KHDRBS2: variants seen among roughly 807,000 people sequenced by gnomAD.
KHDRBS2 encodes KH RNA binding domain containing, signal transduction associated 2, also known as KH domain-containing, RNA-binding, signal transduction-associated protein 2.
In KHDRBS2, 26 loss-of-function variants were observed where a neutral mutation model predicts 44.3. That is an observed-to-expected ratio of 0.59 (90% confidence interval 0.43 to 0.81). The LOEUF (loss-of-function observed/expected upper bound fraction) is 0.81, where lower values mean the gene tolerates loss of function less well. KHDRBS2 is among the 40% of genes least tolerant of loss of function. The probability of loss-of-function intolerance (pLI) is 0.00; values close to 1 mark genes in which losing one functional copy is unlikely to be tolerated. For missense variants in KHDRBS2, 476 were observed against 433.1 expected (o/e 1.10, Z -0.88); for synonymous variants, 194 against 151.1 (o/e 1.28, Z -2.08).
chr6:61,723,743 T>G (rs1242614903), intron 7 of KHDRBS2, among the ~76,000 whole-genome samples: 4 of 152,060 alleles, frequency 2.6e-5, no homozygotes, highest in Non-Finnish European at 5.9e-5. Context: ...GACTATCTTT[T>G]GAAATAAGAT....
At chr6:62,062,959 C>A (rs956350279) in intron 2 of KHDRBS2, among the ~76,000 whole-genome samples, 1 of 150,790 alleles carries the variant, frequency 6.6e-6, no homozygotes, top group African/African-American at 2.4e-5. Flanking sequence ...CACCACCGAT[C>A]CCACAGAAAT....
At chr6:61,703,437 TCTAA>T (rs1214552518) in intron 7 of KHDRBS2, among the ~76,000 whole-genome samples, 5 of 151,838 alleles carry the variant, frequency 3.3e-5, no homozygotes, top group African/African-American at 7.2e-5. Context: ...GGGATATATA[TCTAA>T]CTATTTTTAG....
intron 4 of KHDRBS2, among the ~76,000 whole-genome samples, chr6:61,950,619 T>C (rs1431315367): frequency 6.6e-6 from 1 of 152,044 alleles, no homozygotes; most frequent in Admixed American, 6.6e-5. Flanking sequence ...AGTTTTGAAG[T>C]TATTGTCTTC....
intron 4 of KHDRBS2, among the ~76,000 whole-genome samples, chr6:61,952,158 T>A (rs1195273684): frequency 1.3e-5 from 2 of 152,080 alleles, no homozygotes; most frequent in Non-Finnish European, 2.9e-5. Flanking sequence ...AGCAGAACAC[T>A]TTGTTCCATT....
chr6:61,897,050 C>T lies in KHDRBS2; in HGVS notation c.612-2217G>A, dbSNP rs189846885. On this transcript the variant is annotated intron_variant, in intron 5 of 8. Transcript: ENST00000281156. Reference sequence around the variant, plus strand: ...TCTATCCTCGATCTCATGGTTGCACCCTGCAATCCCTACCTCTGATGATGG... The same window carrying T: ...TCTATCCTCGATCTCATGGTTGCACTCTGCAATCCCTACCTCTGATGATGG... Among the ~76,000 whole-genome samples the T allele has an allele frequency of 2.9e-3, 438 of 152,234 alleles. 1 individual carries two copies. Among genetic ancestry groups the T allele is most frequent in the African/African-American group, 9.9e-3 (413 of 41,544 alleles).
At chr6:61,547,288 T>G in the KHDRBS2 span, among the ~76,000 whole-genome samples, 2 of 152,276 alleles carry the variant, frequency 1.3e-5, no homozygotes, top group Admixed American at 6.5e-5. Flanking sequence ...TGCCAATACA[T>G]TCACCCTTAC....
chr6:61,914,293 T>A (rs1262474311), intron 4 of KHDRBS2, among the ~76,000 whole-genome samples: 1 of 152,096 alleles, frequency 6.6e-6, no homozygotes, highest in Non-Finnish European at 1.5e-5. Flanking sequence ...TTTGTGCAAC[T>A]GATTGAATTG....
chr6:62,001,631 T>C (rs1469426739), intron 3 of KHDRBS2, among the ~76,000 whole-genome samples: 1 of 152,136 alleles, frequency 6.6e-6, no homozygotes, highest in Non-Finnish European at 1.5e-5. Context: ...ATATTCACTT[T>C]TCAATGTTAA....
chr6:61,686,563 A>G (rs1320131846), intron 8 of KHDRBS2, among the ~76,000 whole-genome samples: 1 of 151,802 alleles, frequency 6.6e-6, no homozygotes, highest in African/African-American at 2.4e-5. Flanking sequence ...AACACCTATC[A>G]TATTTTAAAA....
the KHDRBS2 span, among the ~76,000 whole-genome samples, chr6:61,637,495 T>C: frequency 0.83 from 125,594 of 151,986 alleles, 52,156 homozygotes; most frequent in Non-Finnish European, 0.87. Context: ...AATAAACATA[T>C]GTGTGCGTGT....
the KHDRBS2 span, among the ~76,000 whole-genome samples, chr6:61,543,815 T>C: frequency 6.6e-6 from 1 of 152,096 alleles, no homozygotes; most frequent in Non-Finnish European, 1.5e-5. Context: ...TGGATGGAGC[T>C]GGAGGTCATT....
intron 1 of KHDRBS2, among the ~76,000 whole-genome samples, chr6:62,248,272 G>A (rs931275000): frequency 2.0e-5 from 3 of 151,028 alleles, no homozygotes; most frequent in Non-Finnish European, 4.4e-5. Context: ...GGACAATAAA[G>A]GACAGCTTGT....
At chr6:61,801,605 C>T (rs565411104) in intron 6 of KHDRBS2, among the ~76,000 whole-genome samples, 2 of 152,034 alleles carry the variant, frequency 1.3e-5, no homozygotes, top group East Asian at 1.9e-4. Context: ...CTGAAGGTGC[C>T]GCTGCTCCCT....
At chr6:62,277,275 T>C (rs937417045) in intron 1 of KHDRBS2, among the ~76,000 whole-genome samples, 2 of 152,126 alleles carry the variant, frequency 1.3e-5, no homozygotes, top group Non-Finnish European at 2.9e-5. Flanking sequence ...AAATTAAACA[T>C]TTGATACTTC....
In KHDRBS2 at chr6:61,771,607, T is replaced by C. The variant is rs528225582; in HGVS notation, c.811-38843A>G. ...GACAAAGAAGGCCATTACATAATGG[T>C]AAAGGGATCAATTCCACAAGAAGAG... On this transcript the variant is annotated intron_variant, in intron 6 of 8. Transcript: ENST00000281156. 9.9e-5 allele frequency among the ~76,000 whole-genome samples: 15 copies of C among 152,150 alleles called. No homozygotes were observed. The South Asian group carries it at 3.1e-3, about 32-fold the overall frequency.
At chr6:61,562,443 A>G in the KHDRBS2 span, among the ~76,000 whole-genome samples, 1 of 152,206 alleles carries the variant, frequency 6.6e-6, no homozygotes. Flanking sequence ...ATTAAAAATA[A>G]GAGGGTGAAT....
chr6:61,865,890 C>T (rs1379259451), intron 6 of KHDRBS2, among the ~76,000 whole-genome samples: 2 of 152,322 alleles, frequency 1.3e-5, no homozygotes, highest in South Asian at 2.1e-4. Context: ...TGTCTCATAT[C>T]CAGGTCACGC....
At chr6:61,864,629 C>G (rs1347324912) in intron 6 of KHDRBS2, among the ~76,000 whole-genome samples, 1 of 152,126 alleles carries the variant, frequency 6.6e-6, no homozygotes, top group African/African-American at 2.4e-5. Flanking sequence ...CTTGAGAGGT[C>G]TGCTGTTAGT....
At chr6:61,610,255 C>T in the KHDRBS2 span, among the ~76,000 whole-genome samples, 2 of 152,032 alleles carry the variant, frequency 1.3e-5, no homozygotes, top group Non-Finnish European at 1.5e-5. Flanking sequence ...TAGGAAATCA[C>T]ATTCACAAAT....
Sources: gnomAD v4.1 joint callset for allele counts (sites outside exome capture counted in the v4.1 genomes callset) on GRCh38, gnomAD v4.1.1 for gene constraint, MANE v1.5 for transcripts, NCBI Gene and HGNC (gene_info 2026-07-23, HGNC 2026-07-21) for gene names.